RBFOX1: variants seen among roughly 807,000 people sequenced by gnomAD.
RBFOX1 encodes the protein RNA binding protein fox-1 homolog 1.
RBFOX1 carries 8 observed loss-of-function variants against 57.7 expected under a neutral mutation model. The ratio of observed to expected loss-of-function variants is 0.14; its 90% CI spans 0.08 to 0.25. RBFOX1 has a LOEUF of 0.25. RBFOX1 is among the 10% of genes least tolerant of loss of function. The pLI is 1.00. For synonymous variants in RBFOX1, 326 were observed against 222.4 expected, an observed-to-expected ratio of 1.47 and a Z score of -4.15; for missense variants, 611 against 548.5, an observed-to-expected ratio of 1.11 and a Z score of -1.14.
intron 4 of RBFOX1, among the ~76,000 whole-genome samples, chr16:7,346,757 A>G (rs1041210331): frequency 1.3e-5 from 2 of 152,186 alleles, no homozygotes; most frequent in African/African-American, 2.4e-5. Flanking sequence ...CTGAAGACCC[A>G]TAAGATTCAT....
chr16:6,589,363 C>A (rs1259020327), intron 2 of RBFOX1, among the ~76,000 whole-genome samples: 1 of 152,158 alleles, frequency 6.6e-6, no homozygotes, highest in Non-Finnish European at 1.5e-5. Flanking sequence ...AAATTAGTCT[C>A]CCTGAAAACC....
chr16:7,646,501 G>T (rs1373528233), intron 11 of RBFOX1, among the ~76,000 whole-genome samples: 3 of 152,176 alleles, frequency 2.0e-5, no homozygotes, highest in African/African-American at 7.2e-5. Context: ...ACCTTCCAAG[G>T]CTGGGGAAAT....
chr16:7,080,984 C>T (rs2059108181), intron 4 of RBFOX1, among the ~76,000 whole-genome samples: 1 of 152,196 alleles, frequency 6.6e-6, no homozygotes, highest in South Asian at 2.1e-4. Flanking sequence ...CTGGTCTTTA[C>T]CTCACTTCCC....
intron 1 of RBFOX1, among the ~76,000 whole-genome samples, chr16:6,186,589 A>G (rs2097106796): frequency 6.6e-6 from 1 of 152,184 alleles, no homozygotes; most frequent in Non-Finnish European, 1.5e-5. Context: ...CGTTGAAAGC[A>G]GAGATAGGGA....
chr16:6,103,572 T>C (rs1005430128), intron 1 of RBFOX1, among the ~76,000 whole-genome samples: 17 of 152,224 alleles, frequency 1.1e-4, no homozygotes, highest in East Asian at 3.9e-4. Context: ...GATCAAGTGA[T>C]AACAAGCAGA....
intron 4 of RBFOX1, among the ~76,000 whole-genome samples, chr16:7,403,224 C>T (rs940279570): frequency 6.6e-6 from 1 of 152,164 alleles, no homozygotes. Flanking sequence ...GCTCAGAGTT[C>T]CGTTTTTTGG....
At chr16:7,353,996 G>C (rs186701207) in intron 4 of RBFOX1, among the ~76,000 whole-genome samples, 1 of 152,084 alleles carries the variant, frequency 6.6e-6, no homozygotes, top group Non-Finnish European at 1.5e-5. Flanking sequence ...TTTGGAGACA[G>C]ACTCTTGCTC....
At chr16:7,183,310 G>C (rs1023841398) in intron 4 of RBFOX1, among the ~76,000 whole-genome samples, 1 of 152,174 alleles carries the variant, frequency 6.6e-6, no homozygotes, top group Non-Finnish European at 1.5e-5. Context: ...TCAATTTACA[G>C]AGGGTAGTGA....
chr16:7,608,908 C>T (rs4352065), intron 10 of RBFOX1, among the ~76,000 whole-genome samples: 58,848 of 151,986 alleles, frequency 0.39, 12,916 homozygotes, highest in African/African-American at 0.6. Flanking sequence ...GAGATTCTTT[C>T]CTTCATTGAT....
chr16:7,135,876 C>T (rs540615443), intron 4 of RBFOX1, among the ~76,000 whole-genome samples: 1 of 152,194 alleles, frequency 6.6e-6, no homozygotes, highest in Non-Finnish European at 1.5e-5. Context: ...TCAAAGAAAG[C>T]TCTGTTTGTT....
intron 4 of RBFOX1, among the ~76,000 whole-genome samples, chr16:7,063,650 C>A (rs1338304155): frequency 6.6e-6 from 1 of 152,178 alleles, no homozygotes; most frequent in Non-Finnish European, 1.5e-5. Flanking sequence ...CCCTTCATAT[C>A]TGTAGGTTTC....
chr16:7,329,353 G>A (rs1007522206), intron 4 of RBFOX1, among the ~76,000 whole-genome samples: 2 of 152,108 alleles, frequency 1.3e-5, no homozygotes, highest in African/African-American at 2.4e-5. Flanking sequence ...CACCGTGAGC[G>A]TAATACCACA....
intron 4 of RBFOX1, among the ~76,000 whole-genome samples, chr16:7,175,725 G>A (rs1021796429): frequency 6.6e-6 from 1 of 152,202 alleles, no homozygotes; most frequent in Admixed American, 6.5e-5. Context: ...CAGCCACGCA[G>A]TAGTTGGTAT....
chr16:6,757,443 A>C (rs12935320), intron 3 of RBFOX1, among the ~76,000 whole-genome samples: 27,351 of 152,198 alleles, frequency 0.18, 2,471 homozygotes, highest in African/African-American at 0.2. Context: ...ATATATGCAC[A>C]ACAGAATACT....
At position 7,218,915 on chromosome 16, in the gene RBFOX1, C is replaced by G. The variant is rs2092493857; in HGVS notation, c.27+166817C>G. Reference sequence around the variant, plus strand: ...CAGTTAGCATGTTCAGCACAATCTTCTCTCTTGGGTTTGGGCAGGCATATG... The same window carrying G: ...CAGTTAGCATGTTCAGCACAATCTTGTCTCTTGGGTTTGGGCAGGCATATG... On this transcript the variant is annotated intron_variant, in intron 4 of 15. Transcript: ENST00000550418. Among the ~76,000 whole-genome samples, 6 of 152,224 alleles carry G rather than the reference C, an allele frequency of 3.9e-5. 1 individual carries two copies. The South Asian group carries it at 1.2e-3, about 32-fold the overall frequency.
chr16:5,269,272 T>G (rs1416696204), intron 1 of RBFOX1, among the ~76,000 whole-genome samples: 1 of 152,266 alleles, frequency 6.6e-6, no homozygotes, highest in Non-Finnish European at 1.5e-5. Context: ...GGTATCTCAT[T>G]GTGGTTTTGA....
In RBFOX1 at chr16:6,819,454, A is replaced by G. The variant is rs1009949700; in HGVS notation, c.-16+164804A>G. On this transcript the variant is annotated intron_variant, in intron 3 of 15. Transcript: ENST00000550418. ...TAGGCCGGGCATGGTGGCTGAGGCC[A>G]GTACTTAGGGAGGCCCAGGCGGGCG... Among the ~76,000 whole-genome samples, 5 of 152,278 alleles carry G rather than the reference A, an allele frequency of 3.3e-5. No individual in the cohort carries two copies. In the South Asian group the frequency reaches 6.2e-4, roughly 19 times the overall value.
chr16:5,761,074 T>C (rs190040792), intron 3 of RBFOX1, among the ~76,000 whole-genome samples: 1 of 152,174 alleles, frequency 6.6e-6, no homozygotes, highest in African/African-American at 2.4e-5. Flanking sequence ...AAGGATCCAG[T>C]TGGTAAACAG....
At chr16:6,607,664 C>T (rs1303977861) in intron 2 of RBFOX1, among the ~76,000 whole-genome samples, 1 of 151,996 alleles carries the variant, frequency 6.6e-6, no homozygotes, top group Non-Finnish European at 1.5e-5. Flanking sequence ...CTTCTTCCCT[C>T]TCTGTATTAT....
Sources: allele counts gnomAD v4.1 joint callset (sites outside exome capture counted in the v4.1 genomes callset), GRCh38; gene constraint gnomAD v4.1.1; transcripts MANE v1.5; gene names NCBI Gene and HGNC (gene_info 2026-07-23, HGNC 2026-07-21).